GRAMD2B: variants seen among roughly 807,000 people sequenced by gnomAD.
The protein encoded by GRAMD2B is GRAM domain containing 2B, also known as GRAM domain-containing protein 2B.
A neutral mutation model predicts 59.2 loss-of-function variants in GRAMD2B; 41 were observed. That is an observed-to-expected ratio of 0.69 (90% CI 0.54 to 0.90). GRAMD2B has a LOEUF of 0.90. Ranked by LOEUF, GRAMD2B falls within the 40% of genes least tolerant of loss-of-function variation. GRAMD2B has a pLI of 0.00. For synonymous variants in GRAMD2B, 161 were observed against 182.7 expected, an observed-to-expected ratio of 0.88 and a Z score of 0.96; for missense variants, 424 against 500.5, an observed-to-expected ratio of 0.85 and a Z score of 1.46.
chr5:126,411,947 TG>T (rs1401688918), intron 1 of GRAMD2B, among the ~76,000 whole-genome samples: 1 of 152,018 alleles, frequency 6.6e-6, no homozygotes, highest in Non-Finnish European at 1.5e-5. Context: ...TACTGATTTT[TG>T]TACATTGATT....
intron 1 of GRAMD2B, among the ~76,000 whole-genome samples, chr5:126,407,063 G>C (rs1758326169): frequency 6.6e-6 from 1 of 152,002 alleles, no homozygotes; most frequent in Non-Finnish European, 1.5e-5. Flanking sequence ...GTGATAATTT[G>C]ACATTCTTGC....
At chr5:126,452,431 C>G (rs1765545387) in intron 1 of GRAMD2B, among the ~76,000 whole-genome samples, 1 of 152,170 alleles carries the variant, frequency 6.6e-6, no homozygotes, top group Non-Finnish European at 1.5e-5. Context: ...GACCATAGCA[C>G]CTGGTTTCCC....
Position 126,492,698 on chromosome 5 carries a change from G to A in GRAMD2B, c.1258-217G>A, listed in dbSNP as rs541046799. On this transcript the variant is annotated intron_variant, in intron 13 of 13. Transcript: ENST00000285689. ...ATCACGTCACTGCATTCCAGCCTGG[G>A]TGACAGAGCGAGACCCTTTCTTTTT... Among the ~76,000 whole-genome samples, 162 of 152,178 alleles carry A rather than the reference G, an allele frequency of 1.1e-3. 1 individual carries two copies. Among genetic ancestry groups the A allele is most frequent in the Middle Eastern group, 3.4e-3 (1 of 294 alleles).
Position 126,382,818 on chromosome 5 carries a change from G to C in GRAMD2B, c.125+11251G>C, listed in dbSNP as rs113836985. On this transcript the variant is annotated intron_variant, in intron 1 of 8. Coordinates refer to the GRAMD2B transcript ENST00000506445. Reference sequence around the variant, plus strand: ...TTTCTGGTTCCTTCTCATTTGGGTAGACAATGTCAGAGGGAAGATCTGGGG... The same window carrying C: ...TTTCTGGTTCCTTCTCATTTGGGTACACAATGTCAGAGGGAAGATCTGGGG... Among the ~76,000 whole-genome samples, 641 of 152,270 alleles carry C rather than the reference G, an allele frequency of 4.2e-3. 3 individuals carry two copies. Among genetic ancestry groups the C allele is most frequent in the African/African-American group, 0.014 (598 of 41,564 alleles).
At chr5:126,367,547 TAGCATC>T (rs1466938798), upstream of GRAMD2B, among the ~76,000 whole-genome samples, 17 of 152,258 alleles carry the variant, frequency 1.1e-4, no homozygotes, top group South Asian at 2.9e-3. Context: ...CCATCGAGCC[TAGCATC>T]AGTAGGCATA....
At chr5:126,423,344 A>G, upstream of GRAMD2B, 1 of 1,313,410 alleles carries the variant, frequency 7.6e-7, no homozygotes, top group South Asian at 2.1e-5. Context: ...TTGGGGAAAG[A>G]GGCTGTCACT....
chr5:126,409,607 G>A (rs1373411443), intron 1 of GRAMD2B, among the ~76,000 whole-genome samples: 1 of 152,070 alleles, frequency 6.6e-6, no homozygotes, highest in Non-Finnish European at 1.5e-5. Context: ...CAGATGAGTA[G>A]GTTGCGAAAA....
At chr5:126,457,048 T>C (rs1766408502) in intron 1 of GRAMD2B, among the ~76,000 whole-genome samples, 1 of 151,672 alleles carries the variant, frequency 6.6e-6, no homozygotes, top group Admixed American at 6.6e-5. Context: ...AAAAATTAGC[T>C]GGGCATGGTG....
chr5:126,399,780 T>C (rs1377512100), intron 1 of GRAMD2B, among the ~76,000 whole-genome samples: 1 of 152,190 alleles, frequency 6.6e-6, no homozygotes, highest in African/African-American at 2.4e-5. Context: ...TATTTTTTTC[T>C]TCTATTGTCA....
intron 1 of GRAMD2B, among the ~76,000 whole-genome samples, chr5:126,361,351 T>A (rs1165348124): frequency 6.6e-6 from 1 of 152,114 alleles, no homozygotes; most frequent in Admixed American, 6.5e-5. Flanking sequence ...AAGATTAGGA[T>A]CTCTAGTTTC....
intron 1 of GRAMD2B, among the ~76,000 whole-genome samples, chr5:126,364,157 C>T (rs976963899): frequency 1.3e-5 from 2 of 152,066 alleles, no homozygotes; most frequent in Non-Finnish European, 2.9e-5. Context: ...TCTTAACAAA[C>T]CTATTTGGTA....
chr5:126,465,941 C>T (rs186320332), intron 2 of GRAMD2B, among the ~76,000 whole-genome samples: 7 of 152,254 alleles, frequency 4.6e-5, no homozygotes, highest in Admixed American at 6.5e-5. Context: ...CGGGGACCCA[C>T]CAGGCCACCA....
At chr5:126,481,924 C>T (rs1450815408) in intron 8 of GRAMD2B, among the ~76,000 whole-genome samples, 1 of 149,990 alleles carries the variant, frequency 6.7e-6, no homozygotes, top group African/African-American at 2.5e-5. Flanking sequence ...GCCGAGATCA[C>T]GCCGCTGTAC....
intron 1 of GRAMD2B, among the ~76,000 whole-genome samples, chr5:126,411,789 T>C (rs1184716884): frequency 6.6e-6 from 1 of 151,844 alleles, no homozygotes; most frequent in Non-Finnish European, 1.5e-5. Context: ...GTTGCAGTGT[T>C]TTATAGTTCT....
chr5:126,470,021 G>A (rs530853438), intron 3 of GRAMD2B, among the ~76,000 whole-genome samples: 1 of 152,222 alleles, frequency 6.6e-6, no homozygotes, highest in African/African-American at 2.4e-5. Context: ...CCATGCTGTG[G>A]CCTCGAACTC....
chr5:126,383,115 C>G (rs10078818), intron 1 of GRAMD2B, among the ~76,000 whole-genome samples: 9 of 152,160 alleles, frequency 5.9e-5, no homozygotes, highest in African/African-American at 2.2e-4. Context: ...GTGAAGTAAA[C>G]TCCGTGACTT....
At chr5:126,457,177 G>A (rs1766443650) in intron 1 of GRAMD2B, among the ~76,000 whole-genome samples, 1 of 118,220 alleles carries the variant, frequency 8.5e-6, no homozygotes, top group South Asian at 3.0e-4. Flanking sequence ...AGGCGACAGT[G>A]CGAGACTCCG....
chr5:126,383,649 A>G (rs999571155), intron 1 of GRAMD2B, among the ~76,000 whole-genome samples: 4 of 152,232 alleles, frequency 2.6e-5, no homozygotes, highest in African/African-American at 9.6e-5. Flanking sequence ...TGGCAAAACT[A>G]TGCGAACAAA....
At chr5:126,448,628 G>A (rs560335898) in intron 1 of GRAMD2B, among the ~76,000 whole-genome samples, 2 of 152,104 alleles carry the variant, frequency 1.3e-5, no homozygotes, top group Non-Finnish European at 2.9e-5. Context: ...AGGTATAGTG[G>A]TCCAGGCAGG....
Sources: gnomAD v4.1 joint callset for allele counts (sites outside exome capture counted in the v4.1 genomes callset) on GRCh38, gnomAD v4.1.1 for gene constraint, MANE v1.5 for transcripts, NCBI Gene and HGNC (gene_info 2026-07-23, HGNC 2026-07-21) for gene names.